The following KCNMA1 variants were observed in gnomAD, a reference collection of about 807,000 sequenced individuals.
The protein encoded by KCNMA1 is Calcium-activated potassium channel subunit alpha-1.
A neutral mutation model predicts 140.0 loss-of-function variants in KCNMA1; 29 were observed. The observed-to-expected ratio is 0.21, with a 90% CI of 0.15 to 0.28. The LOEUF is 0.28. Among genes scored for constraint, KCNMA1 ranks in the 10% least tolerant of loss-of-function variants. KCNMA1 has a pLI of 1.00. For synonymous variants in KCNMA1, 612 were observed against 611.9 expected (o/e 1.00, Z 0.00); for missense variants, 880 against 1,602.2 (o/e 0.55, Z 7.70).
chr10:77,169,617 C>T lies in KCNMA1; in HGVS notation c.808+13804G>A, dbSNP rs145095699. Among the ~76,000 whole-genome samples the T allele has an allele frequency of 4.5e-3, 690 of 152,140 alleles. 1 individual carries two copies. The highest frequency in any genetic ancestry group is 7.4e-3 in the Non-Finnish European group (502 of 68,004). On this transcript the variant is annotated intron_variant, in intron 5 of 27. Coordinates refer to ENST00000286628, the MANE Select transcript of KCNMA1 (RefSeq NM_001161352.2). ...CTGTGTTGCCTAGGCTGGCCTCAAA[C>T]GATCCTCTTGCCTTGGGCTCTCAAA...
intron 3 of KCNMA1, among the ~76,000 whole-genome samples, chr10:77,244,003 C>T (rs1175529132): frequency 1.3e-5 from 2 of 152,148 alleles, no homozygotes; most frequent in African/African-American, 4.8e-5. Flanking sequence ...TCCCATGGCC[C>T]TAAAGTTTCC....
intron 2 of KCNMA1, among the ~76,000 whole-genome samples, chr10:77,321,015 T>C (rs1328479450): frequency 6.6e-6 from 1 of 152,232 alleles, no homozygotes; most frequent in Non-Finnish European, 1.5e-5. Flanking sequence ...AAAATATGTC[T>C]GACTTGTATC....
intron 14 of KCNMA1, chr10:77,064,031 A>G (rs2095849578): frequency 2.0e-6 from 2 of 985,344 alleles, no homozygotes; most frequent in South Asian, 4.7e-5. Flanking sequence ...CTCGGGCCCC[A>G]TCCTCGCTGG....
chr10:77,501,367 G>A (rs2043816946), intron 1 of KCNMA1, among the ~76,000 whole-genome samples: 1 of 152,188 alleles, frequency 6.6e-6, no homozygotes, highest in Admixed American at 6.5e-5. Context: ...CCAACACCCA[G>A]AGGTGTTGAG....
At chr10:77,149,908 C>T (rs565715856) in intron 5 of KCNMA1, 2 of 152,262 alleles carry the variant, frequency 1.3e-5, no homozygotes, top group African/African-American at 4.8e-5. Flanking sequence ...TCTCAGAAGT[C>T]CTCGCAGCAT....
At chr10:77,396,313 G>T (rs1007457439) in intron 2 of KCNMA1, among the ~76,000 whole-genome samples, 21 of 152,134 alleles carry the variant, frequency 1.4e-4, no homozygotes, top group African/African-American at 5.1e-4. Context: ...ATAGATGAGG[G>T]GGGTGAGAGA....
At chr10:77,610,713 G>A (rs4979896) in intron 1 of KCNMA1, among the ~76,000 whole-genome samples, 1 of 152,240 alleles carries the variant, frequency 6.6e-6, no homozygotes, top group South Asian at 2.1e-4. Context: ...GAGTAGACCA[G>A]CCAGGGACTG....
At chr10:77,040,400 G>GA (rs1441246565) in intron 14 of KCNMA1, among the ~76,000 whole-genome samples, 1 of 152,058 alleles carries the variant, frequency 6.6e-6, no homozygotes, top group Non-Finnish European at 1.5e-5. Context: ...TTCTATTCAT[G>GA]AAAAATGGGA....
intron 2 of KCNMA1, among the ~76,000 whole-genome samples, chr10:77,388,464 C>G (rs1279014361): frequency 2.6e-5 from 4 of 152,214 alleles, no homozygotes; most frequent in Admixed American, 2.0e-4. Flanking sequence ...AATCATTAGC[C>G]TCAGTTCTTT....
intron 2 of KCNMA1, among the ~76,000 whole-genome samples, chr10:77,272,907 T>C (rs1344489490): frequency 1.3e-5 from 2 of 152,190 alleles, no homozygotes; most frequent in Non-Finnish European, 2.9e-5. Flanking sequence ...AAATGATTTG[T>C]TCCAATAAGC....
chr10:77,294,129 A>G lies in KCNMA1; in HGVS notation c.541-42873T>C, dbSNP rs181715003. Among the ~76,000 whole-genome samples, 173 of 152,388 alleles carry G rather than the reference A, an allele frequency of 1.1e-3. 1 individual carries two copies. Among genetic ancestry groups the G allele is most frequent in the African/African-American group, 4.0e-3 (167 of 41,600 alleles). ...AGACAAAAGAAATCAGAGGTTTTCA[A>G]GAAGACATAGTGCTGTGTCCCTAGA... On this transcript the variant is annotated intron_variant, in intron 2 of 27. Transcript: ENST00000286628.
At chr10:77,381,921 A>G (rs1229476095) in intron 2 of KCNMA1, among the ~76,000 whole-genome samples, 2 of 152,192 alleles carry the variant, frequency 1.3e-5, no homozygotes. Flanking sequence ...GAGTACTCAT[A>G]ACAGGCTTGA....
At chr10:77,248,162 T>C (rs1157413884) in intron 3 of KCNMA1, among the ~76,000 whole-genome samples, 1 of 152,224 alleles carries the variant, frequency 6.6e-6, no homozygotes, top group Non-Finnish European at 1.5e-5. Context: ...GTATTGCTAA[T>C]GGACAGAAGT....
intron 23 of KCNMA1, among the ~76,000 whole-genome samples, chr10:76,936,668 G>A (rs1048038209): frequency 3.9e-5 from 6 of 152,172 alleles, no homozygotes; most frequent in Admixed American, 1.3e-4. Context: ...ACATGTATAG[G>A]TGCGTCTGCA....
At chr10:77,196,150 TATAAAA>T (rs1287609915) in intron 3 of KCNMA1, among the ~76,000 whole-genome samples, 1 of 152,086 alleles carries the variant, frequency 6.6e-6, no homozygotes, top group African/African-American at 2.4e-5. Context: ...TTCCTATCAT[TATAAAA>T]ACATCTCTGT....
rs981870645 is a variant in KCNMA1 at position 77,637,653 on chromosome 10, G to A, written c.-11C>T. On this transcript the variant is annotated 5_prime_UTR_variant, in exon 1 of 28. Coordinates refer to ENST00000286628, the MANE Select transcript of KCNMA1 (RefSeq NM_001161352.2). ...GCCACCATTTGCCATAGCTAGCAAC[G>A]GGCAGCCGGCGCAGGGGCTCGGGGG... 3.3e-6 allele frequency: 5 copies of A among 1,501,746 alleles called. No individual in the cohort carries two copies. Among genetic ancestry groups the A allele is most frequent in the East Asian group, 5.0e-5 (2 of 39,996 alleles). The allele number at this position is 1,501,746 out of a possible 1,614,324, so 93.0% of individuals were successfully genotyped here.
At chr10:77,261,275 T>C (rs1450224434) in intron 2 of KCNMA1, among the ~76,000 whole-genome samples, 5 of 152,254 alleles carry the variant, frequency 3.3e-5, no homozygotes, top group African/African-American at 1.2e-4. Flanking sequence ...TGGACTTTTT[T>C]TTGAGAGGGC....
At chr10:77,351,894 A>G (rs1278556966) in intron 2 of KCNMA1, among the ~76,000 whole-genome samples, 1 of 152,262 alleles carries the variant, frequency 6.6e-6, no homozygotes, top group Non-Finnish European at 1.5e-5. Flanking sequence ...TTTTGAAGCT[A>G]AACTAGTAGA....
At chr10:77,176,572 G>C (rs1027287868) in intron 5 of KCNMA1, among the ~76,000 whole-genome samples, 14 of 152,014 alleles carry the variant, frequency 9.2e-5, no homozygotes, top group African/African-American at 3.4e-4. Flanking sequence ...ATGAAGCATG[G>C]CCCCAAAGGG....
Sources: allele counts gnomAD v4.1 joint callset (sites outside exome capture counted in the v4.1 genomes callset), GRCh38; gene constraint gnomAD v4.1.1; transcripts MANE v1.5; gene names NCBI Gene and HGNC (gene_info 2026-07-23, HGNC 2026-07-21).